The following CMSS1 variants were observed in gnomAD, a reference collection of about 807,000 sequenced individuals.
CMSS1 encodes cms1 ribosomal small subunit homolog, also known as protein CMSS1.
Under a neutral mutation model 43.5 loss-of-function variants are expected in CMSS1, and 33 were observed. The observed-to-expected ratio is 0.76, with a 90% CI of 0.57 to 1.01. The LOEUF is 1.01. CMSS1 is among the 50% of genes least tolerant of loss of function. The pLI is 0.00. For synonymous variants in CMSS1, 115 were observed against 117.2 expected (o/e 0.98, Z 0.12); for missense variants, 313 against 326.4 (o/e 0.96, Z 0.32).
chr3:99,834,748 A>G (rs1942827353), intron 1 of CMSS1, among the ~76,000 whole-genome samples: 1 of 152,094 alleles, frequency 6.6e-6, no homozygotes, highest in East Asian at 1.9e-4. Flanking sequence ...CTTACATCTT[A>G]TAACAGCCTT....
intron 1 of CMSS1, among the ~76,000 whole-genome samples, chr3:99,829,458 G>A (rs1297901551): frequency 6.6e-6 from 1 of 152,162 alleles, no homozygotes; most frequent in African/African-American, 2.4e-5. Flanking sequence ...TCAACATTTT[G>A]TATTAATAGT....
At position 99,963,744 on chromosome 3, in the gene CMSS1, G is replaced by C. The variant is rs115351606; in HGVS notation, c.64+145701G>C. Among the ~76,000 whole-genome samples, 254 of 152,064 alleles carry C rather than the reference G, an allele frequency of 1.7e-3. No individual in the cohort carries two copies. The Middle Eastern group carries it at 0.031, about 18-fold the overall frequency. On this transcript the variant is annotated intron_variant, in intron 1 of 9. Coordinates refer to ENST00000421999, the MANE Select transcript of CMSS1 (RefSeq NM_032359.4). The stretch of plus-strand genomic sequence containing the variant: ...CAATTCTCCTGTCTCAGCTTCCTGA[G>C]TAGCTGGGGATTACAGGCACACGCC...
chr3:99,850,427 C>A, intron 1 of CMSS1: 4 of 1,613,990 alleles, frequency 2.5e-6, no homozygotes, highest in East Asian at 2.2e-5. Flanking sequence ...AGTTTTTCAA[C>A]CTCTAGTTTA....
At chr3:100,134,788 A>T (rs778069463) in intron 1 of CMSS1, among the ~76,000 whole-genome samples, 2 of 152,190 alleles carry the variant, frequency 1.3e-5, no homozygotes, top group African/African-American at 4.8e-5. Flanking sequence ...ATACATTATT[A>T]TATGAAATTG....
chr3:100,113,190 C>T (rs1467360825), intron 1 of CMSS1, among the ~76,000 whole-genome samples: 1 of 152,154 alleles, frequency 6.6e-6, no homozygotes, highest in African/African-American at 2.4e-5. Flanking sequence ...CTGAATATGT[C>T]ACAACCATTT....
At chr3:99,864,823 A>G (rs1267616634) in intron 1 of CMSS1, among the ~76,000 whole-genome samples, 4 of 152,014 alleles carry the variant, frequency 2.6e-5, no homozygotes, top group Non-Finnish European at 4.4e-5. Flanking sequence ...CATTAGTACC[A>G]TCTGGCATAC....
intron 1 of CMSS1, among the ~76,000 whole-genome samples, chr3:99,823,983 T>C (rs1415391221): frequency 6.6e-6 from 1 of 150,984 alleles, no homozygotes; most frequent in Non-Finnish European, 1.5e-5. Context: ...AGTGCAGTGG[T>C]GCGATCTCAG....
At chr3:100,040,522 T>C (rs963365142) in intron 1 of CMSS1, 2 of 152,238 alleles carry the variant, frequency 1.3e-5, no homozygotes, top group African/African-American at 2.4e-5. Context: ...TAGTGATTTG[T>C]ACAGACTTCT....
At chr3:99,901,060 A>G (rs1706419465) in intron 1 of CMSS1, among the ~76,000 whole-genome samples, 1 of 152,208 alleles carries the variant, frequency 6.6e-6, no homozygotes, top group African/African-American at 2.4e-5. Context: ...ACTGGATAAC[A>G]TTTGGTGTGG....
chr3:99,905,077 T>C (rs930386512), intron 1 of CMSS1, among the ~76,000 whole-genome samples: 1 of 152,232 alleles, frequency 6.6e-6, no homozygotes, highest in Admixed American at 6.5e-5. Flanking sequence ...GCCTGGTGAC[T>C]CCCACTGGTC....
At chr3:100,034,068 G>T (rs1343499984) in intron 1 of CMSS1, among the ~76,000 whole-genome samples, 1 of 152,144 alleles carries the variant, frequency 6.6e-6, no homozygotes, top group Non-Finnish European at 1.5e-5. Flanking sequence ...TTACATTAGT[G>T]ACCCGTTAAT....
intron 1 of CMSS1, chr3:99,849,538 C>A: frequency 6.2e-7 from 1 of 1,613,154 alleles, no homozygotes. Context: ...TGAGAGGTGC[C>A]CTGACTTAGC....
intron 2 of CMSS1, among the ~76,000 whole-genome samples, chr3:100,156,299 C>CTTTTTTTTTTTTT (rs34413816): frequency 4.1e-5 from 3 of 73,118 alleles, no homozygotes; most frequent in Non-Finnish European, 7.7e-5. Context: ...AATTTTTTTT[C>CTTTTTTTTTTTTT]TTTTTTTTTT....
chr3:100,055,069 T>C (rs1014691961), intron 1 of CMSS1, among the ~76,000 whole-genome samples: 3 of 152,144 alleles, frequency 2.0e-5, no homozygotes, highest in Non-Finnish European at 4.4e-5. Context: ...CAGGTCACAG[T>C]TGTCTTTCTG....
intron 1 of CMSS1, among the ~76,000 whole-genome samples, chr3:100,024,006 C>T (rs1406070860): frequency 6.6e-6 from 1 of 152,158 alleles, no homozygotes; most frequent in Non-Finnish European, 1.5e-5. Flanking sequence ...AGTGGGTTCA[C>T]TCCCCCTTCA....
intron 1 of CMSS1, among the ~76,000 whole-genome samples, chr3:99,913,302 A>G (rs1428871990): frequency 3.3e-5 from 5 of 152,206 alleles, no homozygotes; most frequent in South Asian, 2.1e-4. Context: ...CCAATGCACC[A>G]TTTTACATTA....
At chr3:99,874,222 T>C (rs1705390883) in intron 1 of CMSS1, 1 of 152,232 alleles carries the variant, frequency 6.6e-6, no homozygotes, top group Admixed American at 6.5e-5. Flanking sequence ...GTTAGAATTT[T>C]GATGGAAGTT....
chr3:100,003,603 G>A (rs1339119883), intron 1 of CMSS1, among the ~76,000 whole-genome samples: 1 of 152,130 alleles, frequency 6.6e-6, no homozygotes, highest in Admixed American at 6.6e-5. Flanking sequence ...ACTAAGTACA[G>A]TGTTTTTTCC....
intron 1 of CMSS1, among the ~76,000 whole-genome samples, chr3:100,065,353 C>T (rs890217584): frequency 3.3e-5 from 5 of 152,162 alleles, no homozygotes; most frequent in Non-Finnish European, 5.9e-5. Flanking sequence ...TCATGATAGG[C>T]ATTATTATCC....
Sources: gnomAD v4.1 joint callset for allele counts (sites outside exome capture counted in the v4.1 genomes callset) on GRCh38, gnomAD v4.1.1 for gene constraint, MANE v1.5 for transcripts, NCBI Gene and HGNC (gene_info 2026-07-23, HGNC 2026-07-21) for gene names.